Variants in NCMAP observed in about 807,000 individuals in gnomAD.
NCMAP encodes the protein non-compact myelin associated protein, also known as noncompact myelin-associated protein.
Under a neutral mutation model 7.8 loss-of-function variants are expected in NCMAP, and 8 were observed. That is an observed-to-expected ratio of 1.02 (90% CI 0.60 to 1.84). NCMAP has a LOEUF of 1.84. Among genes scored for constraint, NCMAP ranks in the 40% most tolerant of loss-of-function variants. The pLI is 0.00. For synonymous variants in NCMAP, 41 were observed against 52.9 expected, an observed-to-expected ratio of 0.78 and a Z score of 0.98; for missense variants, 112 against 131.4, an observed-to-expected ratio of 0.85 and a Z score of 0.72.
At chr1:24,563,827 G>A (rs1003135076) in intron 1 of NCMAP, 1 of 152,242 alleles carries the variant, frequency 6.6e-6, no homozygotes, top group Non-Finnish European at 1.5e-5. Context: ...GACATATGCA[G>A]CGGGAGAAGG....
intron 2 of NCMAP, among the ~76,000 whole-genome samples, chr1:24,599,971 T>C (rs1000338542): frequency 2.9e-4 from 44 of 150,752 alleles, no homozygotes; most frequent in African/African-American, 1.0e-3. Context: ...ATATAAGTAT[T>C]AAATTATTTA....
chr1:24,580,811 C>T (rs905761821), intron 1 of NCMAP, among the ~76,000 whole-genome samples: 1 of 152,208 alleles, frequency 6.6e-6, no homozygotes, highest in Non-Finnish European at 1.5e-5. Flanking sequence ...TGATCTCTGT[C>T]ACCACTCACT....
At chr1:24,595,365 A>T (rs1021150077) in intron 1 of NCMAP, 59 bp from the exon 2 acceptor site, 56 of 1,213,348 alleles carry the variant, frequency 4.6e-5, no homozygotes, top group Middle Eastern at 1.9e-4. Context: ...AGAGGCATCA[A>T]GTAGCAATAA....
At chr1:24,596,258 G>T (rs1377155570) in intron 2 of NCMAP, among the ~76,000 whole-genome samples, 1 of 152,140 alleles carries the variant, frequency 6.6e-6, no homozygotes, top group East Asian at 1.9e-4. Flanking sequence ...GGGCAACAAA[G>T]TGAGCCTCCA....
At chr1:24,599,735 G>T (rs999657302) in intron 2 of NCMAP, among the ~76,000 whole-genome samples, 8 of 146,908 alleles carry the variant, frequency 5.4e-5, no homozygotes, top group African/African-American at 1.8e-4. Flanking sequence ...ATGCCATCAC[G>T]CCCGGCTAAT....
At chr1:24,586,619 G>A (rs187480795) in intron 1 of NCMAP, among the ~76,000 whole-genome samples, 1 of 152,208 alleles carries the variant, frequency 6.6e-6, no homozygotes, top group East Asian at 1.9e-4. Flanking sequence ...AAATTAGCTG[G>A]GCGTGGTGGC....
chr1:24,600,509 C>T (rs896891880), intron 2 of NCMAP, among the ~76,000 whole-genome samples: 3 of 152,314 alleles, frequency 2.0e-5, no homozygotes, highest in South Asian at 2.1e-4. Context: ...GATATGCAGA[C>T]GATCAGCAGT....
chr1:24,593,679 A>T (rs1368732141), intron 1 of NCMAP, among the ~76,000 whole-genome samples: 2 of 152,090 alleles, frequency 1.3e-5, no homozygotes, highest in Admixed American at 6.6e-5. Flanking sequence ...TCTCCAGTAG[A>T]TGGCTGTGTT....
chr1:24,573,952 C>CGAAAAAAAAAAAA (rs1651466411), intron 1 of NCMAP, among the ~76,000 whole-genome samples: 1 of 84,454 alleles, frequency 1.2e-5, no homozygotes, highest in Non-Finnish European at 2.2e-5. Context: ...CCAGAGAGGA[C>CGAAAAAAAAAAAA]AAAAAAAAAA....
intron 3 of NCMAP, 48 bp downstream of exon 3, chr1:24,601,072 A>T: frequency 6.9e-7 from 1 of 1,454,602 alleles, no homozygotes; most frequent in Non-Finnish European, 9.7e-7. Context: ...CCCTTCAGTG[A>T]CATCAGAATA....
At chr1:24,603,131 G>T (rs1324465515) in intron 3 of NCMAP, among the ~76,000 whole-genome samples, 3 of 152,066 alleles carry the variant, frequency 2.0e-5, no homozygotes, top group African/African-American at 7.2e-5. Context: ...GCCAGGCATG[G>T]TTCTAAGCTC....
chr1:24,569,418 T>C (rs1291382493), intron 1 of NCMAP, among the ~76,000 whole-genome samples: 1 of 150,590 alleles, frequency 6.6e-6, no homozygotes, highest in African/African-American at 2.5e-5. Flanking sequence ...AATGTGCCCA[T>C]TCCCACCCCC....
Position 24,576,626 on chromosome 1 carries a change from G to T in NCMAP, c.-7-18798G>T, listed in dbSNP as rs1303424656. On this transcript the variant is annotated intron_variant, in intron 1 of 3. Coordinates refer to ENST00000374392, the MANE Select transcript of NCMAP (RefSeq NM_001010980.5). This position sits in a 1 kb window ranked among gnomAD's most constrained non-coding sequence, Gnocchi z 4.0. The stretch of plus-strand genomic sequence containing the variant: ...TGGTCCCCAGCTGTTCAGTTTGCAG[G>T]AGGGCAAACTGCAGTCCAGACAGAA... Among the ~76,000 whole-genome samples the T allele has an allele frequency of 6.6e-6, 1 of 152,148 alleles. No homozygotes were observed. The highest frequency in any genetic ancestry group is 6.5e-5 in the Admixed American group (1 of 15,276).
At chr1:24,604,671 C>A (rs59480262) in intron 3 of NCMAP, among the ~76,000 whole-genome samples, 1 of 91,698 alleles carries the variant, frequency 1.1e-5, no homozygotes, top group Non-Finnish European at 1.9e-5. Context: ...AGATGAAATA[C>A]CATGAAGACA....
intron 1 of NCMAP, among the ~76,000 whole-genome samples, chr1:24,579,192 TG>T (rs66761718): frequency 0.39 from 56,653 of 146,854 alleles, 10,843 homozygotes; most frequent in Non-Finnish European, 0.42. Flanking sequence ...TGGGGTAGGG[TG>T]GGGGTTTTTT....
At chr1:24,564,126 C>T (rs1651142388) in intron 1 of NCMAP, among the ~76,000 whole-genome samples, 1 of 152,010 alleles carries the variant, frequency 6.6e-6, no homozygotes, top group South Asian at 2.1e-4. Context: ...ATGGATACAA[C>T]TGAAGAATTT....
intron 1 of NCMAP, among the ~76,000 whole-genome samples, chr1:24,580,076 C>A (rs1226990691): frequency 6.6e-6 from 1 of 152,154 alleles, no homozygotes. Flanking sequence ...GCCAGAGCTG[C>A]CGGTGCTGCT....
At chr1:24,568,930 T>C (rs1651306128) in intron 1 of NCMAP, among the ~76,000 whole-genome samples, 1 of 151,968 alleles carries the variant, frequency 6.6e-6, no homozygotes, top group South Asian at 2.1e-4. Flanking sequence ...GCTCATAATG[T>C]AGGGGTTCTT....
At position 24,605,591 on chromosome 1, in the gene NCMAP, A is replaced by G; in HGVS notation, c.168-15A>G. On this transcript the variant is annotated splice_polypyrimidine_tract_variant and intron_variant, in intron 3 of 3. Transcript: ENST00000374392. ...AGGGGAAAGACTCAACCATGTGCAC[A>G]TTATCTCCCTACAGGAAAATGAGGA... 2 of 1,613,886 alleles carry G rather than the reference A, an allele frequency of 1.2e-6. No individual in the cohort carries two copies. The highest frequency in any genetic ancestry group is 1.1e-5 in the South Asian group (1 of 91,050).
Sources: gnomAD v4.1 joint callset for allele counts (sites outside exome capture counted in the v4.1 genomes callset) on GRCh38, gnomAD v4.1.1 for gene constraint, Gnocchi (gnomAD v3.1) non-coding constraint, MANE v1.5 for transcripts, NCBI Gene and HGNC (gene_info 2026-07-23, HGNC 2026-07-21) for gene names.